Variants in PI15 observed in about 807,000 individuals in gnomAD.
PI15 encodes peptidase inhibitor 15.
In PI15, 18 loss-of-function variants were observed where a neutral mutation model predicts 31.0. The ratio of observed to expected loss-of-function variants is 0.58; its 90% confidence interval spans 0.40 to 0.86. The LOEUF is 0.86. Ranked by LOEUF, PI15 falls within the 40% of genes least tolerant of loss-of-function variation. The pLI, the probability that PI15 is intolerant of heterozygous loss-of-function variation, is 0.00. For synonymous variants in PI15, 118 were observed against 119.1 expected, an observed-to-expected ratio of 0.99 and a Z score of 0.06; for missense variants, 282 against 328.1, an observed-to-expected ratio of 0.86 and a Z score of 1.09.
chr8:74,828,715 A>G (rs904676822), intron 2 of PI15, among the ~76,000 whole-genome samples: 4 of 152,048 alleles, frequency 2.6e-5, no homozygotes, highest in Non-Finnish European at 5.9e-5. Context: ...TGTGTGTTCA[A>G]CTTCTCCTCA....
At chr8:74,830,071 G>A (rs1009482925) in intron 2 of PI15, among the ~76,000 whole-genome samples, 1 of 152,212 alleles carries the variant, frequency 6.6e-6, no homozygotes. Flanking sequence ...CAGTGAAAGT[G>A]ACCAGAGAGG....
At chr8:74,848,379 A>G (rs1811054336) in intron 5 of PI15, among the ~76,000 whole-genome samples, 1 of 152,176 alleles carries the variant, frequency 6.6e-6, no homozygotes, top group Admixed American at 6.5e-5. Flanking sequence ...ACTTTGCAGA[A>G]GCAAATCTCC....
intron 2 of PI15, among the ~76,000 whole-genome samples, chr8:74,831,442 T>A (rs1810779919): frequency 6.6e-6 from 1 of 152,196 alleles, no homozygotes; most frequent in Non-Finnish European, 1.5e-5. Context: ...ATTTGTGGAA[T>A]AATCAAATGA....
In PI15 at chr8:74,834,620, A is replaced by G. The variant is rs149200441; in HGVS notation, c.273+9098A>G. Among the ~76,000 whole-genome samples, 6 of 152,276 alleles carry G rather than the reference A, an allele frequency of 3.9e-5. No homozygotes were observed. In the East Asian group the frequency reaches 9.7e-4, roughly 25 times the overall value. ...GAAGTTTATCATTAAGGAAATGGAA[A>G]GTCAAGGCACTCCCACCTGCCTTTT... On this transcript the variant is annotated intron_variant, in intron 2 of 5. Coordinates refer to ENST00000260113, the MANE Select transcript of PI15 (RefSeq NM_015886.5).
At chr8:74,847,662 T>G (rs904264124) in intron 5 of PI15, among the ~76,000 whole-genome samples, 17 of 152,194 alleles carry the variant, frequency 1.1e-4, no homozygotes, top group African/African-American at 4.1e-4. Context: ...CATTTTGTAA[T>G]ATGAATAAAA....
chr8:74,843,737 G>A (rs746186624), intron 2 of PI15, among the ~76,000 whole-genome samples: 3 of 152,152 alleles, frequency 2.0e-5, no homozygotes, highest in Admixed American at 6.5e-5. Flanking sequence ...GGTGATGTGC[G>A]CCTGTAATCC....
In PI15 at chr8:74,831,646, G is replaced by A. The variant is rs566727683; in HGVS notation, c.273+6124G>A. Among the ~76,000 whole-genome samples, 137 of 152,228 alleles carry A rather than the reference G, an allele frequency of 9.0e-4. 1 individual carries two copies. Among genetic ancestry groups the A allele is most frequent in the Admixed American group, 3.6e-3 (55 of 15,282 alleles). On this transcript the variant is annotated intron_variant, in intron 2 of 5. Transcript: ENST00000260113. ...AGACAAGTCAGGTGCAAGGCAGTGT[G>A]CTAAATGCTGAACTAGGATAGATAC...
chr8:74,853,307 G>A lies in PI15; in HGVS notation c.*4054G>A, dbSNP rs928215188. The A allele has an allele frequency of 1.3e-5, 2 of 152,400 alleles. No individual in the cohort carries two copies. Among genetic ancestry groups the A allele is most frequent in the African/African-American group, 4.8e-5 (2 of 41,386 alleles). The allele number at this position is 152,400 out of a possible 1,614,324, so 9.4% of individuals were successfully genotyped here. On this transcript the variant is annotated 3_prime_UTR_variant, in exon 6 of 6. Coordinates refer to ENST00000260113, the MANE Select transcript of PI15 (RefSeq NM_015886.5). Reference sequence around the variant, plus strand: ...TGTTAGTGTTGATGGCTTTAGTAATGCTCCTTTTATTCATTGCTAAATTTA... The same window carrying A: ...TGTTAGTGTTGATGGCTTTAGTAATACTCCTTTTATTCATTGCTAAATTTA...
chr8:74,845,741 T>G, intron 5 of PI15: 1 of 472,012 alleles, frequency 2.1e-6, no homozygotes, highest in Non-Finnish European at 3.8e-6. Flanking sequence ...CACTAAATTC[T>G]CCTTACCATA....
At chr8:74,840,745 C>T (rs1354385862) in intron 2 of PI15, among the ~76,000 whole-genome samples, 1 of 152,094 alleles carries the variant, frequency 6.6e-6, no homozygotes, top group Non-Finnish European at 1.5e-5. Context: ...TCTGACAGTA[C>T]CTGTCAGACT....
chr8:74,837,827 T>C (rs1810891910), intron 2 of PI15, among the ~76,000 whole-genome samples: 1 of 152,218 alleles, frequency 6.6e-6, no homozygotes, highest in South Asian at 2.1e-4. Flanking sequence ...AAAATAACTT[T>C]ATTTCTGTCC....
At chr8:74,846,121 T>G (rs1811021892) in intron 5 of PI15, among the ~76,000 whole-genome samples, 1 of 152,262 alleles carries the variant, frequency 6.6e-6, no homozygotes, top group Admixed American at 6.5e-5. Context: ...TATACAATTC[T>G]GTTCCCATTT....
chr8:74,826,811 C>T (rs1350819317), intron 2 of PI15, among the ~76,000 whole-genome samples: 2 of 151,994 alleles, frequency 1.3e-5, no homozygotes, highest in South Asian at 2.1e-4. Flanking sequence ...TATGAGTTGA[C>T]GAGTAATCAG....
At chr8:74,825,150 T>TGTG in intron 1 of PI15, 60 bp from the exon 2 acceptor site, 1 of 926,284 alleles carries the variant, frequency 1.1e-6, no homozygotes, top group Non-Finnish European at 1.7e-6. Flanking sequence ...TCTTTGTAAA[T>TGTG]TCATACCCTC....
intron 2 of PI15, among the ~76,000 whole-genome samples, chr8:74,841,828 T>A (rs1810950271): frequency 6.6e-6 from 1 of 152,198 alleles, no homozygotes; most frequent in Non-Finnish European, 1.5e-5. Flanking sequence ...TTTTTAAAGT[T>A]CATTTCATCC....
chr8:74,844,869 G>T, intron 3 of PI15: 1 of 403,616 alleles, frequency 2.5e-6, no homozygotes. Context: ...GAAATTATTT[G>T]CATTTTCTTC....
Position 74,843,083 on chromosome 8 carries a change from A to G in PI15, c.274-898A>G, listed in dbSNP as rs150339684. On this transcript the variant is annotated intron_variant, in intron 2 of 5. Transcript: ENST00000260113. ...TATACGTTGCAATATAAAATTAGAC[A>G]TTATTAATTTTGGTAAAATCAGTTT... 4.5e-3 allele frequency among the ~76,000 whole-genome samples: 692 copies of G among 152,328 alleles called. 5 individuals carry two copies. Among genetic ancestry groups the G allele is most frequent in the African/African-American group, 0.016 (650 of 41,580 alleles).
chr8:74,825,847 T>C (rs962056110), intron 2 of PI15, among the ~76,000 whole-genome samples: 11 of 152,090 alleles, frequency 7.2e-5, no homozygotes, highest in Non-Finnish European at 1.5e-4. Flanking sequence ...CTGATCACAT[T>C]TGGAAGGTCC....
chr8:74,844,735 A>G (rs1309257990), intron 3 of PI15: 1 of 179,424 alleles, frequency 5.6e-6, no homozygotes, highest in African/African-American at 2.4e-5. Context: ...ATTCAGACTG[A>G]AGTGAAAAAA....
Sources: gnomAD v4.1 joint callset for allele counts (sites outside exome capture counted in the v4.1 genomes callset) on GRCh38, gnomAD v4.1.1 for gene constraint, MANE v1.5 for transcripts, NCBI Gene and HGNC (gene_info 2026-07-23, HGNC 2026-07-21) for gene names.